TECPR1: variants seen among roughly 807,000 people sequenced by gnomAD.
The protein encoded by TECPR1 is tectonin beta-propeller repeat-containing protein 1.
TECPR1 carries 122 observed loss-of-function variants against 162.4 expected under a neutral mutation model. The ratio of observed to expected loss-of-function variants is 0.75; its 90% CI spans 0.65 to 0.87. TECPR1 has a LOEUF of 0.87. TECPR1 is among the 40% of genes least tolerant of loss of function. The pLI is 0.00. For synonymous variants in TECPR1, 642 were observed against 670.6 expected (o/e 0.96, Z 0.66); for missense variants, 1,432 against 1,618.2 (o/e 0.88, Z 1.97).
Position 98,244,890 on chromosome 7 carries a change from T to C in TECPR1, c.403A>G (p.Lys135Glu), listed in dbSNP as rs979945930. The C allele has an allele frequency of 1.9e-6, 3 of 1,612,726 alleles. No homozygotes were observed. The highest frequency in any genetic ancestry group is 2.5e-6 in the Non-Finnish European group (3 of 1,179,798). ...AGGGTCCCAAGTTCACCTACCCCTT[T>C]CTCAGTGGGTTCACCTCCAAAATTC... ...DENFGGEPTE[K>E]GGWTYAIDFP... Residue 135 changes from lysine (K) to glutamate (E), a missense_variant, in exon 4 of 26, where the codon AAA (lysine) becomes GAA (glutamate). Lys to Glu is a moderately conservative substitution (Grantham distance 56). Transcript: ENST00000447648.
intron 23 of TECPR1, among the ~76,000 whole-genome samples, chr7:98,220,152 C>T (rs35527492): frequency 0.39 from 58,457 of 151,264 alleles, 13,007 homozygotes; most frequent in Middle Eastern, 0.61. Context: ...GACCAGCCTG[C>T]CCAACATGGC....
Position 98,240,837 on chromosome 7 carries a change from C to A in TECPR1, c.933+14G>T. On this transcript the variant is annotated intron_variant, in intron 8 of 25. Coordinates refer to ENST00000447648, the MANE Select transcript of TECPR1 (RefSeq NM_015395.3). Reference sequence around the variant, plus strand: ...CTGGGCTCAAGTGATCCCCCAGCCTCATCCCCATCTTACCTTCCAGTCCTT... The same window carrying A: ...CTGGGCTCAAGTGATCCCCCAGCCTAATCCCCATCTTACCTTCCAGTCCTT... 1 of 1,586,802 alleles carries A rather than the reference C, an allele frequency of 6.3e-7. No homozygotes were observed. Among genetic ancestry groups the A allele is most frequent in the Non-Finnish European group, 8.5e-7 (1 of 1,169,618 alleles).
At chr7:98,242,888 A>ACT (rs1798796212) in intron 6 of TECPR1, among the ~76,000 whole-genome samples, 6 of 9,716 alleles carry the variant, frequency 6.2e-4, no homozygotes, top group East Asian at 0.011. Flanking sequence ...ATCTACCCAT[A>ACT]CACCCACCCA....
At chr7:98,250,499 G>A (rs572478307) in intron 2 of TECPR1, among the ~76,000 whole-genome samples, 3 of 152,194 alleles carry the variant, frequency 2.0e-5, no homozygotes, top group Admixed American at 6.5e-5. Context: ...TTAGCCAGGT[G>A]TGGTGGCACA....
chr7:98,235,096 T>G (rs868212434), intron 10 of TECPR1, among the ~76,000 whole-genome samples: 18 of 152,314 alleles, frequency 1.2e-4, no homozygotes, highest in Admixed American at 3.9e-4. Flanking sequence ...GAAGTCCAAT[T>G]TATCTGTATT....
At chr7:98,225,982 C>T (rs1047462501) in intron 17 of TECPR1, among the ~76,000 whole-genome samples, 2 of 152,242 alleles carry the variant, frequency 1.3e-5, no homozygotes, top group Non-Finnish European at 2.9e-5. Context: ...CACCACAGGA[C>T]ACTCGAGTGG....
chr7:98,226,449 A>G, intron 17 of TECPR1: 1 of 1,006,862 alleles, frequency 9.9e-7, no homozygotes, highest in South Asian at 4.1e-5. Flanking sequence ...TGGGTACAGA[A>G]CGGTGAGGTC....
chr7:98,222,480 G>A lies in TECPR1; in HGVS notation c.2970C>T (p.Ala990=). The part of the protein sequence containing the change: ...WLHVGTDQPF[A]SISIGACYQV... ...GGTAGCAGGCCCCGATGGAGATGGAGGCGAAGGGCTGGTCGGTGCCAACGT... is the reference window on the plus strand; with the variant it reads ...GGTAGCAGGCCCCGATGGAGATGGAAGCGAAGGGCTGGTCGGTGCCAACGT... The change falls in exon 22 of 26, where the codon GCC becomes GCT. Residue 990 remains alanine (A), a synonymous_variant. Transcript: ENST00000447648. The A allele has an allele frequency of 6.3e-7, 1 of 1,594,434 alleles. No homozygotes were observed. Among genetic ancestry groups the A allele is most frequent in the Non-Finnish European group, 8.5e-7 (1 of 1,171,658 alleles).
chr7:98,237,018 T>G, intron 9 of TECPR1, 97 bp from the exon 10 acceptor site: 1 of 1,336,396 alleles, frequency 7.5e-7, no homozygotes, highest in Non-Finnish European at 9.9e-7. Flanking sequence ...GTCCTCCATG[T>G]GCAGGTGTGT....
Position 98,232,771 on chromosome 7 carries a change from A to G in TECPR1, c.1818+56T>C, listed in dbSNP as rs1415906830. 1.3e-6 allele frequency: 2 copies of G among 1,488,006 alleles called. No individual in the cohort carries two copies. Among genetic ancestry groups the G allele is most frequent in the East Asian group, 2.5e-5 (1 of 40,458 alleles). 92.2% of individuals were successfully genotyped at this position (1,488,006 alleles called of 1,614,324 possible). On this transcript the variant is annotated intron_variant, in intron 12 of 25. Transcript: ENST00000447648. This position sits in a 1 kb window ranked among gnomAD's most constrained non-coding sequence, Gnocchi z 4.6. ...AGAGCTGGTACACAGCAGGCGCTCA[A>G]TGAATGATTGCTGGAAAAAAAAAAA...
At chr7:98,235,354 T>C (rs10953247) in intron 10 of TECPR1, among the ~76,000 whole-genome samples, 64,730 of 151,500 alleles carry the variant, frequency 0.43, 14,374 homozygotes, top group East Asian at 0.7. Context: ...TGAAACCTGA[T>C]CTCTACTAAA....
At chr7:98,235,429 G>A (rs1299162930) in intron 10 of TECPR1, among the ~76,000 whole-genome samples, 1 of 151,470 alleles carries the variant, frequency 6.6e-6, no homozygotes, top group African/African-American at 2.4e-5. Flanking sequence ...GGAGGCTGAG[G>A]TAGGAGAATG....
chr7:98,226,415 A>ACTG (rs1798280568), intron 17 of TECPR1: 27 of 984,534 alleles, frequency 2.7e-5, no homozygotes, highest in Non-Finnish European at 3.0e-5. Flanking sequence ...AGGCTGAGTA[A>ACTG]AGTCAGATAC....
chr7:98,238,631 C>T (rs375597150), intron 8 of TECPR1, 21 bp from the exon 9 acceptor site: 44 of 1,549,776 alleles, frequency 2.8e-5, no homozygotes, highest in Non-Finnish European at 3.7e-5. Flanking sequence ...CAGAAATAAA[C>T]ATGCCTTCCT....
chr7:98,222,730 G>T (rs905255451), intron 21 of TECPR1: 22 of 795,302 alleles, frequency 2.8e-5, no homozygotes, highest in Non-Finnish European at 4.4e-5. Context: ...AAGCGCCCCC[G>T]TGGGCGTGTG....
intron 16 of TECPR1, 44 bp from the exon 17 acceptor site, chr7:98,228,160 C>G: frequency 6.9e-7 from 1 of 1,441,620 alleles, no homozygotes; most frequent in Non-Finnish European, 9.6e-7. Flanking sequence ...ACATACGCTC[C>G]GCTTGGGACT....
chr7:98,234,796 G>T (rs987480463), intron 10 of TECPR1, among the ~76,000 whole-genome samples: 1 of 141,086 alleles, frequency 7.1e-6, no homozygotes. Flanking sequence ...CTGCAGCCTC[G>T]ACCTCCTGGG....
intron 17 of TECPR1, among the ~76,000 whole-genome samples, chr7:98,227,221 G>A (rs893329246): frequency 2.6e-5 from 4 of 151,406 alleles, no homozygotes; most frequent in Non-Finnish European, 5.9e-5. Context: ...GTGAAACCCC[G>A]TCTCTACTAA....
chr7:98,233,728 T>A lies in TECPR1; in HGVS notation c.1365A>T (p.Glu455Asp). 1 of 1,612,476 alleles carries A rather than the reference T, an allele frequency of 6.2e-7. No individual in the cohort carries two copies. Among genetic ancestry groups the A allele is most frequent in the South Asian group, 1.1e-5 (1 of 91,068 alleles). ...CTGGGCAGGCATCTTCCACGGTATCTTCTGCGGTCCTGCCAGCCCCCAGGC... is the reference window on the plus strand; with the variant it reads ...CTGGGCAGGCATCTTCCACGGTATCATCTGCGGTCCTGCCAGCCCCCAGGC... ...ASGLGAGRTA[E>D]DTVEDACPAE... The change falls in exon 11 of 26, where the codon GAA (glutamate) becomes GAT (aspartate). Residue 455 changes from glutamate to aspartate, a missense_variant. Glu to Asp is a conservative substitution (Grantham distance 45). Transcript: ENST00000447648.
Sources: gnomAD v4.1 joint callset for allele counts (sites outside exome capture counted in the v4.1 genomes callset) on GRCh38, gnomAD v4.1.1 for gene constraint, Gnocchi (gnomAD v3.1) non-coding constraint, MANE v1.5 for transcripts, NCBI Gene and HGNC (gene_info 2026-07-23, HGNC 2026-07-21) for gene names.